TBX5: variants seen among roughly 807,000 people sequenced by gnomAD.
The protein encoded by TBX5 is T-box transcription factor TBX5.
Under a neutral mutation model 51.1 loss-of-function variants are expected in TBX5, and 8 were observed. That is an observed-to-expected ratio of 0.16 (90% CI 0.09 to 0.28). TBX5 has a LOEUF of 0.28. TBX5 is among the 10% of genes least tolerant of loss of function. TBX5 has a pLI of 1.00. For synonymous variants in TBX5, 302 were observed against 266.4 expected (o/e 1.13, Z -1.30); for missense variants, 589 against 671.7 (o/e 0.88, Z 1.36).
rs1398330404 is a variant in TBX5 at position 114,400,157 on chromosome 12, C to G, written c.243-525G>C. ...CAGGCTTCCCGACCTTGCTTTGGTCCTCTGCCGCTGGAGGAAGGGGAAGGC... is the reference window on the plus strand; with the variant it reads ...CAGGCTTCCCGACCTTGCTTTGGTCGTCTGCCGCTGGAGGAAGGGGAAGGC... On this transcript the variant is annotated intron_variant, in intron 3 of 8. Transcript: ENST00000405440. Among the ~76,000 whole-genome samples, 4 of 152,182 alleles carry G rather than the reference C, an allele frequency of 2.6e-5. No individual in the cohort carries two copies. In the East Asian group the frequency reaches 7.7e-4, roughly 29 times the overall value.
chr12:114,357,881 A>G (rs941401419), intron 8 of TBX5, among the ~76,000 whole-genome samples: 6 of 152,208 alleles, frequency 3.9e-5, no homozygotes, highest in Non-Finnish European at 8.8e-5. Flanking sequence ...CATCCATGCA[A>G]CTCACTGTGA....
Position 114,394,777 on chromosome 12 carries a change from A to G in TBX5, c.627T>C (p.Thr209=), listed in dbSNP as rs747429505. 10 of 1,614,216 alleles carry G rather than the reference A, an allele frequency of 6.2e-6. No homozygotes were observed. In the South Asian group the frequency reaches 1.1e-4, roughly 18 times the overall value. ...TAFCTHVFPE[T]AFIAVTSYQN... ...GGTAGGAAGTCACTGCTATAAACGC[A>G]GTCTCAGGAAAGACGTGAGTGCAGA... Residue 209 remains threonine (T), a synonymous_variant, in exon 6 of 9, where the codon ACT becomes ACC. Transcript: ENST00000405440.
In TBX5 at chr12:114,406,061, T is replaced by C. The variant is rs1179003682; in HGVS notation, c.-472A>G. 1 of 980,468 alleles carries C rather than the reference T, an allele frequency of 1.0e-6. No individual in the cohort carries two copies. Among genetic ancestry groups the C allele is most frequent in the Non-Finnish European group, 1.2e-6 (1 of 826,040 alleles). The allele number at this position is 980,468 out of a possible 1,614,324, so 60.7% of individuals were successfully genotyped here. On this transcript the variant is annotated 5_prime_UTR_variant, in exon 1 of 9. Coordinates refer to ENST00000405440, the MANE Select transcript of TBX5 (RefSeq NM_181486.4). ...GTAAGAGTCAGTCTCTCTCACTCTCTCTCCCTCTCTCTCTCTCTCTGAAAT... is the reference window on the plus strand; with the variant it reads ...GTAAGAGTCAGTCTCTCTCACTCTCCCTCCCTCTCTCTCTCTCTCTGAAAT...
In TBX5 at chr12:114,354,027, G is replaced by C. The variant is rs1868726544; in HGVS notation, c.*1505C>G. ...CACCCTCCCCCCTTAGCAACGTAAA[G>C]AGACATAATCGCATAGGGACACTCA... On this transcript the variant is annotated 3_prime_UTR_variant, in exon 9 of 9. Coordinates refer to ENST00000405440, the MANE Select transcript of TBX5 (RefSeq NM_181486.4). The C allele has an allele frequency of 6.6e-6, 1 of 152,506 alleles. No individual in the cohort carries two copies. Among genetic ancestry groups the C allele is most frequent in the Non-Finnish European group, 1.5e-5 (1 of 68,038 alleles). The allele number at this position is 152,506 out of a possible 1,614,324, so 9.4% of individuals were successfully genotyped here. A position where few individuals can be genotyped will look rare whatever the true frequency, so the allele number is the denominator to read the frequency against.
In TBX5 at chr12:114,399,555, A is replaced by G; in HGVS notation, c.320T>C (p.Val107Ala). Residue 107 changes from valine (V) to alanine (A), a missense_variant, in exon 4 of 9, where the codon GTA (valine) becomes GCA (alanine). By Grantham distance (64) the Val-to-Ala change is moderately conservative (BLOSUM62 0). Coordinates refer to ENST00000405440, the MANE Select transcript of TBX5 (RefSeq NM_181486.4). ...KTKYILLMDI[V>A]PADDHRYKFA... ...TTTGTATCTGTGATCGTCGGCAGGTACAATGTCCATGAGAAGAATGTACTT... is the reference window on the plus strand; with the variant it reads ...TTTGTATCTGTGATCGTCGGCAGGTGCAATGTCCATGAGAAGAATGTACTT... 6.2e-7 allele frequency: 1 copy of G among 1,614,154 alleles called. No homozygotes were observed. The highest frequency in any genetic ancestry group is 8.5e-7 in the Non-Finnish European group (1 of 1,180,034).
At position 114,370,814 on chromosome 12, in the gene TBX5, A is replaced by C. The variant is rs1369189096; in HGVS notation, c.756-4423T>G. ...TTAAAAATTTTTTTGTTTTGGGGGA[A>C]TAGGTAGTGTTTGGTTACGTGGATT... is the stretch of plus-strand genomic sequence containing the variant. On this transcript the variant is annotated intron_variant, in intron 7 of 8. Coordinates refer to ENST00000405440, the MANE Select transcript of TBX5 (RefSeq NM_181486.4). 2.0e-5 allele frequency among the ~76,000 whole-genome samples: 3 copies of C among 151,868 alleles called. No homozygotes were observed. In the East Asian group the frequency reaches 5.8e-4, roughly 29 times the overall value.
chr12:114,375,097 T>G (rs997743724), intron 7 of TBX5, among the ~76,000 whole-genome samples: 2 of 152,236 alleles, frequency 1.3e-5, no homozygotes, highest in African/African-American at 4.8e-5. Flanking sequence ...ATTCTAATGT[T>G]CAGTGTGAGT....
intron 3 of TBX5, 149 bp from the exon 4 acceptor site, chr12:114,399,781 C>T (rs1871685181): frequency 1.5e-6 from 2 of 1,339,052 alleles, no homozygotes; most frequent in Admixed American, 3.8e-5. Flanking sequence ...AGATCCATCC[C>T]GGGTTTCCCT....
rs1868830933 is a variant in TBX5, at chr12:114,355,495, T to C, written c.*37A>G. The C allele has an allele frequency of 1.2e-6, 2 of 1,603,988 alleles. No homozygotes were observed. Among genetic ancestry groups the C allele is most frequent in the Non-Finnish European group, 1.7e-6 (2 of 1,171,646 alleles). ...CTCTCTTTCTCCTCTCTCTCTCTCT[T>C]TCTCTAGGAAATGTCTGTTGTGAAG... On this transcript the variant is annotated 3_prime_UTR_variant, in exon 9 of 9. Coordinates refer to ENST00000405440, the MANE Select transcript of TBX5 (RefSeq NM_181486.4).
upstream of TBX5, chr12:114,406,940 C>T: frequency 1.7e-6 from 1 of 585,264 alleles, no homozygotes; most frequent in Non-Finnish European, 2.2e-6. Context: ...ATTGGGACAC[C>T]GAATATTGGT....
At chr12:114,360,121 A>G (rs1869150626) in intron 8 of TBX5, among the ~76,000 whole-genome samples, 1 of 152,222 alleles carries the variant, frequency 6.6e-6, no homozygotes, top group Admixed American at 6.5e-5. Context: ...ATGAAGAACC[A>G]TTGGCGAGTC....
intron 8 of TBX5, among the ~76,000 whole-genome samples, chr12:114,364,850 G>C (rs1447457066): frequency 6.6e-6 from 1 of 152,170 alleles, no homozygotes; most frequent in Non-Finnish European, 1.5e-5. Context: ...GGTCACACAA[G>C]AAGCAGGGAG....
intron 7 of TBX5, among the ~76,000 whole-genome samples, chr12:114,370,770 AT>A (rs1869858093): frequency 4.0e-5 from 6 of 149,264 alleles, no homozygotes; most frequent in Non-Finnish European, 8.9e-5. Context: ...TATCATGTTT[AT>A]TTTTTTCACA....
chr12:114,396,787 A>G (rs1871458990), intron 5 of TBX5, among the ~76,000 whole-genome samples: 1 of 152,168 alleles, frequency 6.6e-6, no homozygotes. Context: ...TGGTGCTGGT[A>G]AGGCATCTGC....
At chr12:114,375,713 A>G (rs1870149886) in intron 7 of TBX5, among the ~76,000 whole-genome samples, 1 of 152,170 alleles carries the variant, frequency 6.6e-6, no homozygotes, top group South Asian at 2.1e-4. Flanking sequence ...TGCGGCCACC[A>G]TGGAACACAG....
rs552265310 is a variant in TBX5 at position 114,393,504 on chromosome 12, C to A, written c.663+1237G>T. ...GGCTTAGAACATTAAATCCCTCCTG[C>A]CACCCACAATAAAATGAATCCACAT... On this transcript the variant is annotated intron_variant, in intron 6 of 8. Transcript: ENST00000405440. Among the ~76,000 whole-genome samples, 5 of 152,294 alleles carry A rather than the reference C, an allele frequency of 3.3e-5. No individual in the cohort carries two copies. The East Asian group carries it at 9.7e-4, about 29-fold the overall frequency.
chr12:114,381,871 C>A (rs1276122123), intron 7 of TBX5, among the ~76,000 whole-genome samples: 1 of 152,180 alleles, frequency 6.6e-6, no homozygotes, highest in Non-Finnish European at 1.5e-5. Flanking sequence ...GTTTCCAGGG[C>A]AACTGCTAAC....
chr12:114,357,019 GATGGATGGATGC>G (rs1262371653), intron 8 of TBX5, among the ~76,000 whole-genome samples: 1 of 152,038 alleles, frequency 6.6e-6, no homozygotes. Flanking sequence ...TGGATGGATG[GATGGATGGATGC>G]ATGGATGCAT....
chr12:114,403,236 G>T (rs954055352), intron 2 of TBX5, among the ~76,000 whole-genome samples: 12 of 152,256 alleles, frequency 7.9e-5, no homozygotes, highest in African/African-American at 2.9e-4. Flanking sequence ...CAAGACAAAT[G>T]GTGCGGCGCG....
Sources: allele counts gnomAD v4.1 joint callset (sites outside exome capture counted in the v4.1 genomes callset), GRCh38; gene constraint gnomAD v4.1.1; transcripts MANE v1.5; gene names NCBI Gene and HGNC (gene_info 2026-07-23, HGNC 2026-07-21).